FAM135B: variants seen among roughly 807,000 people sequenced by gnomAD.
The protein encoded by FAM135B is family with sequence similarity 135 member B.
A neutral mutation model predicts 127.7 loss-of-function variants in FAM135B; 43 were observed. That is an observed-to-expected ratio of 0.34 (90% confidence interval 0.26 to 0.43). The LOEUF (loss-of-function observed/expected upper bound fraction) is 0.43. Ranked by LOEUF, FAM135B falls within the 20% of genes least tolerant of loss-of-function variation. The probability of loss-of-function intolerance (pLI) is 1.00; values close to 1 mark genes in which losing one functional copy is unlikely to be tolerated. For synonymous variants in FAM135B, 670 were observed against 665.1 expected, an observed-to-expected ratio of 1.01 and a Z score of -0.11; for missense variants, 1,558 against 1,725.6, an observed-to-expected ratio of 0.90 and a Z score of 1.72.
At position 138,152,043 on chromosome 8, in the gene FAM135B, G is replaced by A. The variant is rs746194434; in HGVS notation, c.2432C>T (p.Ser811Phe). Residue 811 changes from serine (S) to phenylalanine (F), a missense_variant, in exon 13 of 20, where the codon TCT becomes TTT. By Grantham distance (155) the Ser-to-Phe change is radical. Around this residue, in one of 5 missense-constraint regions of FAM135B, gnomAD observed 923 missense variants for 865.3 expected, o/e 1.07. Coordinates refer to ENST00000395297, the MANE Select transcript of FAM135B (RefSeq NM_015912.4). ...AGAGTCACCACAAAGTTGAGAGCAA[G>A]ATCCTGGGGAACCTTGGCTCTTGCT... ...MHSKSQGSPG[S>F]CSQLCGDSGT... 1.9e-6 allele frequency: 3 copies of A among 1,614,080 alleles called. No individual in the cohort carries two copies. Among genetic ancestry groups the A allele is most frequent in the South Asian group, 2.2e-5 (2 of 91,080 alleles).
chr8:138,194,375 T>C lies in FAM135B; in HGVS notation c.873+883A>G, dbSNP rs189348701. Among the ~76,000 whole-genome samples the C allele has an allele frequency of 3.3e-5, 5 of 152,286 alleles. No individual in the cohort carries two copies. The East Asian group carries it at 7.7e-4, about 24-fold the overall frequency. ...CTGTGAGACTGGATTTTACTAACTT[T>C]GTAACATGCCCTAAAGCAGGGGTGC... On this transcript the variant is annotated intron_variant, in intron 9 of 19. Transcript: ENST00000395297.
At chr8:138,193,692 A>C (rs1256766040) in intron 9 of FAM135B, among the ~76,000 whole-genome samples, 1 of 152,220 alleles carries the variant, frequency 6.6e-6, no homozygotes, top group Non-Finnish European at 1.5e-5. Context: ...AGCCCGAGCC[A>C]GCCCTGGAAG....
intron 1 of FAM135B, among the ~76,000 whole-genome samples, chr8:138,373,841 C>T (rs1563946916): frequency 6.6e-6 from 1 of 152,112 alleles, no homozygotes; most frequent in Non-Finnish European, 1.5e-5. Context: ...AGAGGAAATT[C>T]TCACCTAATA....
chr8:138,181,898 C>A (rs375282898), intron 9 of FAM135B, among the ~76,000 whole-genome samples: 1 of 151,654 alleles, frequency 6.6e-6, no homozygotes, highest in African/African-American at 2.4e-5. Context: ...CTTCCTACAT[C>A]CCCTGCATTT....
chr8:138,459,242 C>A (rs1033355541), intron 1 of FAM135B: 13 of 152,256 alleles, frequency 8.5e-5, no homozygotes, highest in African/African-American at 3.1e-4. Context: ...AGTTCTCGGG[C>A]AGTAAGAGCA....
chr8:138,185,046 C>A (rs774456791), intron 9 of FAM135B, among the ~76,000 whole-genome samples: 1 of 152,166 alleles, frequency 6.6e-6, no homozygotes, highest in Non-Finnish European at 1.5e-5. Flanking sequence ...AGCTCAGAGT[C>A]GCCCTCTAGA....
chr8:138,142,819 C>T (rs1817323301), intron 16 of FAM135B, 193 bp downstream of exon 16: 1 of 487,790 alleles, frequency 2.1e-6, no homozygotes, highest in Admixed American at 3.7e-5. Context: ...CTCCCTGACA[C>T]AAACTATGGC....
Position 138,218,475 on chromosome 8 carries a change from A to G in FAM135B, c.670-20806T>C, listed in dbSNP as rs562400203. On this transcript the variant is annotated intron_variant, in intron 7 of 19. Transcript: ENST00000395297. Reference sequence around the variant, plus strand: ...GTTCAGAATTATAGACATGGGTTACAATTTGAGCTCTAATAATTTCCCTTA... The same window carrying G: ...GTTCAGAATTATAGACATGGGTTACGATTTGAGCTCTAATAATTTCCCTTA... 3.3e-5 allele frequency among the ~76,000 whole-genome samples: 5 copies of G among 152,296 alleles called. No homozygotes were observed. The East Asian group carries it at 9.6e-4, about 29-fold the overall frequency.
At chr8:138,211,644 C>T (rs1285589999) in intron 7 of FAM135B, among the ~76,000 whole-genome samples, 10 of 152,220 alleles carry the variant, frequency 6.6e-5, no homozygotes, top group African/African-American at 2.4e-4. Context: ...CTATTTAATG[C>T]TGCTCTGCAC....
chr8:138,344,971 TG>T (rs1468678836), intron 2 of FAM135B, among the ~76,000 whole-genome samples: 2 of 152,216 alleles, frequency 1.3e-5, no homozygotes, highest in Non-Finnish European at 2.9e-5. Flanking sequence ...GTTTTATGCT[TG>T]TTCTCCCACG....
rs549620088 is a variant in FAM135B, at chr8:138,359,233, A to C, written c.77+8674T>G. ...TTTATGGAATTTTAGAGAAAAAAAG[A>C]CTCAGAGATGAACAAGGCTACCTAC... On this transcript the variant is annotated intron_variant, in intron 2 of 19. Transcript: ENST00000395297. Among the ~76,000 whole-genome samples the C allele has an allele frequency of 1.1e-4, 17 of 152,288 alleles. No individual in the cohort carries two copies. The South Asian group carries it at 3.5e-3, about 32-fold the overall frequency.
chr8:138,257,722 G>A (rs1157079537), intron 4 of FAM135B, among the ~76,000 whole-genome samples: 1 of 152,114 alleles, frequency 6.6e-6, no homozygotes. Flanking sequence ...TTTGGAGGCA[G>A]TGTTACAACC....
At chr8:138,301,444 C>T (rs1825881633) in intron 3 of FAM135B, among the ~76,000 whole-genome samples, 1 of 152,156 alleles carries the variant, frequency 6.6e-6, no homozygotes, top group East Asian at 1.9e-4. Context: ...GATATTCTTT[C>T]TACCTAAACA....
chr8:138,339,424 C>T (rs1828884044), intron 2 of FAM135B, among the ~76,000 whole-genome samples: 1 of 151,100 alleles, frequency 6.6e-6, no homozygotes, highest in Non-Finnish European at 1.5e-5. Flanking sequence ...CTGAACTCCT[C>T]CCCCACCACC....
rs527603081 is a variant in FAM135B at position 138,259,297 on chromosome 8, C to T, written c.298-2538G>A. 3.3e-5 allele frequency among the ~76,000 whole-genome samples: 5 copies of T among 152,218 alleles called. No homozygotes were observed. The South Asian group carries it at 6.2e-4, about 19-fold the overall frequency. ...GCTACTAACTTGAGCTTTGTCACAGCGTGATGGCTAAGAGGGCAGCTTCTG... is the reference window on the plus strand; with the variant it reads ...GCTACTAACTTGAGCTTTGTCACAGTGTGATGGCTAAGAGGGCAGCTTCTG... On this transcript the variant is annotated intron_variant, in intron 4 of 19. Transcript: ENST00000395297.
At position 138,131,931 on chromosome 8, in the gene FAM135B, T is replaced by C. The variant is rs1264096926; in HGVS notation, c.*662A>G. Reference sequence around the variant, plus strand: ...CAGTATGTCCCTAGAGTCATGTTTCTTTGTAACAAACTTGTATTTACCAAT... The same window carrying C: ...CAGTATGTCCCTAGAGTCATGTTTCCTTGTAACAAACTTGTATTTACCAAT... On this transcript the variant is annotated 3_prime_UTR_variant, in exon 20 of 20. Coordinates refer to ENST00000395297, the MANE Select transcript of FAM135B (RefSeq NM_015912.4). The C allele has an allele frequency of 6.5e-6, 1 of 152,864 alleles. No individual in the cohort carries two copies. The highest frequency in any genetic ancestry group is 2.4e-5 in the African/African-American group (1 of 41,456). 9.5% of individuals were successfully genotyped at this position (152,864 alleles called of 1,614,324 possible). A position where few individuals can be genotyped will look rare whatever the true frequency, so the allele number is the denominator to read the frequency against.
At chr8:138,458,757 C>T (rs542842133) in intron 1 of FAM135B, among the ~76,000 whole-genome samples, 1 of 152,270 alleles carries the variant, frequency 6.6e-6, no homozygotes, top group Admixed American at 6.5e-5. Flanking sequence ...AAAATATATA[C>T]CATCTATCTA....
intron 1 of FAM135B, among the ~76,000 whole-genome samples, chr8:138,485,291 T>C (rs777511440): frequency 1.3e-5 from 2 of 152,168 alleles, no homozygotes; most frequent in African/African-American, 4.8e-5. Context: ...GGCATAACCA[T>C]TTCCAAAGCC....
rs1405018001 is a variant in FAM135B, at chr8:138,141,645, G to A, written c.3639-296C>T. On this transcript the variant is annotated intron_variant, in intron 16 of 19. Coordinates refer to ENST00000395297, the MANE Select transcript of FAM135B (RefSeq NM_015912.4). This position sits in a 1 kb window ranked among gnomAD's most constrained non-coding sequence, Gnocchi z 4.7. ...CCTGCTTTAATTCCACCTGGGGGAAGGGAAGGTCCTTCCTGAAATGCACCT... is the reference window on the plus strand; with the variant it reads ...CCTGCTTTAATTCCACCTGGGGGAAAGGAAGGTCCTTCCTGAAATGCACCT... 6.6e-6 allele frequency among the ~76,000 whole-genome samples: 1 copy of A among 152,212 alleles called. No homozygotes were observed. The highest frequency in any genetic ancestry group is 6.5e-5 in the Admixed American group (1 of 15,292).
Sources: allele counts gnomAD v4.1 joint callset (sites outside exome capture counted in the v4.1 genomes callset), GRCh38; gene constraint gnomAD v4.1.1; regional missense constraint gnomAD v4.1.1; non-coding constraint Gnocchi (gnomAD v3.1); transcripts MANE v1.5; gene names NCBI Gene and HGNC (gene_info 2026-07-23, HGNC 2026-07-21).